The following EXOC8 variants were observed in gnomAD, a reference collection of about 807,000 sequenced individuals.
The protein encoded by EXOC8 is exocyst complex component 8.
A neutral mutation model predicts 50.8 loss-of-function variants in EXOC8; 19 were observed. That is an observed-to-expected ratio of 0.37 (90% CI 0.26 to 0.55). The LOEUF (loss-of-function observed/expected upper bound fraction) is 0.55. EXOC8 is among the 20% of genes least tolerant of loss of function. The probability of loss-of-function intolerance (pLI) is 0.80; values close to 1 mark genes in which losing one functional copy is unlikely to be tolerated. For missense variants in EXOC8, 781 were observed against 915.8 expected (o/e 0.85, Z 1.90); for synonymous variants, 384 against 367.9 (o/e 1.04, Z -0.50).
rs1201466272 is a variant in EXOC8 at position 231,334,304 on chromosome 1, T to C, written c.*1264A>G. The C allele has an allele frequency of 1.3e-5, 2 of 152,252 alleles. No individual in the cohort carries two copies. The highest frequency in any genetic ancestry group is 4.8e-5 in the African/African-American group (2 of 41,472). The allele number at this position is 152,252 out of a possible 1,614,324, so 9.4% of individuals were successfully genotyped here. A position where few individuals can be genotyped will look rare whatever the true frequency, so the allele number is the denominator to read the frequency against. ...ACCAAATCTCTGCTCAGAGTGGTCA[T>C]AGTGAGAACACTGAGATTTGCATAT... On this transcript the variant is annotated 3_prime_UTR_variant, in exon 1 of 1. Coordinates refer to ENST00000366645, the MANE Select transcript of EXOC8 (RefSeq NM_175876.5).
chr1:231,336,286 G>A lies in EXOC8; in HGVS notation c.1460C>T (p.Ser487Phe). 1 of 1,614,118 alleles carries A rather than the reference G, an allele frequency of 6.2e-7. No homozygotes were observed. Among genetic ancestry groups the A allele is most frequent in the Non-Finnish European group, 8.5e-7 (1 of 1,180,038 alleles). The change falls in exon 1 of 1, where the codon TCT becomes TTT. Residue 487 changes from serine to phenylalanine, a missense_variant. By Grantham distance (155) the Ser-to-Phe change is radical. This residue lies in a region of EXOC8 where 700 missense variants were observed against 804.1 expected (regional missense o/e 0.87). Coordinates refer to ENST00000366645, the MANE Select transcript of EXOC8 (RefSeq NM_175876.5). This position sits in a 1 kb window ranked among gnomAD's most constrained non-coding sequence, Gnocchi z 5.4. ...TGATCTTGCCCAGACCACAAAGGCA[G>A]AGTAGCAGCCGCTGTCAGTGCCTGC... ...DFAGTDSGCY[S>F]AFVVWARSAM...
Position 231,336,591 on chromosome 1 carries a change from C to T in EXOC8, c.1155G>A (p.Glu385=). ...GCACCTCAGTGAGCTGTCGAACTCG[C>T]TCCTCCACTTTGGCCCTTAGTTCTT... ...PVKELRAKVE[E]RVRQLTEVLV... is the part of the protein sequence containing the mutation. The change falls in exon 1 of 1, where the codon GAG becomes GAA. Residue 385 remains glutamate, a synonymous_variant. Transcript: ENST00000366645. The surrounding 1 kb of genome is among the most constrained non-coding windows in gnomAD (Gnocchi z 5.4). 6.2e-7 allele frequency: 1 copy of T among 1,614,158 alleles called. No homozygotes were observed. The highest frequency in any genetic ancestry group is 8.5e-7 in the Non-Finnish European group (1 of 1,180,042).
In EXOC8 at chr1:231,335,876, T is replaced by C; in HGVS notation, c.1870A>G (p.Thr624Ala). The C allele has an allele frequency of 6.2e-7, 1 of 1,614,128 alleles. No individual in the cohort carries two copies. Among genetic ancestry groups the C allele is most frequent in the Non-Finnish European group, 8.5e-7 (1 of 1,180,028 alleles). The change falls in exon 1 of 1, where the codon ACC becomes GCC. Residue 624 changes from threonine to alanine, a missense_variant. Physicochemically the swap from Thr to Ala is moderately conservative, Grantham distance 58. Around this residue, in one of 3 missense-constraint regions of EXOC8, gnomAD observed 700 missense variants for 804.1 expected, o/e 0.87. Transcript: ENST00000366645. ...AGGGCCTCTTCCAAGAAGCCCATGG[T>C]CTGTTTGGTGAAAGCAACCACTGTG... ...SYTVVAFTKQ[T>A]MGFLEEALKL... is the part of the protein sequence containing the mutation.
Position 231,337,564 on chromosome 1 carries a change from C to A in EXOC8, c.182G>T (p.Arg61Leu). ...LAEETAQNLK[R>L]NVYQNYRQFI... is the part of the protein sequence containing the mutation. ...CTGCCGGTAGTTCTGGTAGACGTTG[C>A]GCTTCAGGTTCTGCGCCGTCTCCTC... The change falls in exon 1 of 1, where the codon CGC (arginine) becomes CTC (leucine). Residue 61 changes from arginine (R) to leucine (L), a missense_variant. Around this residue, in one of 3 missense-constraint regions of EXOC8, gnomAD observed 700 missense variants for 804.1 expected, o/e 0.87. Coordinates refer to ENST00000366645, the MANE Select transcript of EXOC8 (RefSeq NM_175876.5). This position sits in a 1 kb window ranked among gnomAD's most constrained non-coding sequence, Gnocchi z 5.9. The A allele has an allele frequency of 6.2e-7, 1 of 1,613,016 alleles. No individual in the cohort carries two copies. Among genetic ancestry groups the A allele is most frequent in the South Asian group, 1.1e-5 (1 of 91,070 alleles).
rs759340502 is a variant in EXOC8 at position 231,337,641 on chromosome 1, C to T, written c.105G>A (p.Ser35=). ...RLYVKQLSQQ[S]DGDRDLQEHR... is the part of the protein sequence containing the mutation. ...GCTCCTGGAGGTCCCGGTCCCCATC[C>T]GACTGCTGCGAGAGCTGCTTCACGT... is the stretch of plus-strand genomic sequence containing the variant. Residue 35 remains serine (S), a synonymous_variant, in exon 1 of 1, where the codon TCG becomes TCA. Coordinates refer to ENST00000366645, the MANE Select transcript of EXOC8 (RefSeq NM_175876.5). The surrounding 1 kb of genome is among the most constrained non-coding windows in gnomAD (Gnocchi z 5.9). 28 of 1,610,474 alleles carry T rather than the reference C, an allele frequency of 1.7e-5. No homozygotes were observed. The East Asian group carries it at 2.2e-4, about 13-fold the overall frequency.
rs1032401565 is a variant in EXOC8, at chr1:231,335,567, A to G, written c.*1T>C. The G allele has an allele frequency of 6.2e-7, 1 of 1,601,862 alleles. No individual in the cohort carries two copies. Among genetic ancestry groups the G allele is most frequent in the African/African-American group, 1.3e-5 (1 of 74,460 alleles). ...TATACACATATAAACAGACCCAAGCATTAGACCACTGATGTTGTACTTTCA... is the reference window on the plus strand; with the variant it reads ...TATACACATATAAACAGACCCAAGCGTTAGACCACTGATGTTGTACTTTCA... On this transcript the variant is annotated 3_prime_UTR_variant, in exon 1 of 1. Transcript: ENST00000366645.
chr1:231,333,102 A>G lies in EXOC8; in HGVS notation c.*2466T>C, dbSNP rs1191610426. On this transcript the variant is annotated 3_prime_UTR_variant, in exon 1 of 1. Coordinates refer to ENST00000366645, the MANE Select transcript of EXOC8 (RefSeq NM_175876.5). The stretch of plus-strand genomic sequence containing the variant: ...GTTTTATATTCTTGAAGCAAACAAG[A>G]AAAGGCAATCAATGCTTAAGTGGTA... 1 of 152,236 alleles carries G rather than the reference A, an allele frequency of 6.6e-6. No homozygotes were observed. Among genetic ancestry groups the G allele is most frequent in the East Asian group, 1.9e-4 (1 of 5,202 alleles). 9.4% of individuals were successfully genotyped at this position (152,236 alleles called of 1,614,324 possible).
Position 231,333,958 on chromosome 1 carries a change from T to C in EXOC8, c.*1610A>G, listed in dbSNP as rs1686613934. On this transcript the variant is annotated 3_prime_UTR_variant, in exon 1 of 1. Coordinates refer to ENST00000366645, the MANE Select transcript of EXOC8 (RefSeq NM_175876.5). ...TCATGGGCATCAAATTTGGTGCTTATGGACAAGAATCACAACTAGAAGCTA... is the reference window on the plus strand; with the variant it reads ...TCATGGGCATCAAATTTGGTGCTTACGGACAAGAATCACAACTAGAAGCTA... The C allele has an allele frequency of 6.6e-6, 1 of 152,202 alleles. No individual in the cohort carries two copies. Among genetic ancestry groups the C allele is most frequent in the African/African-American group, 2.4e-5 (1 of 41,450 alleles). The allele number at this position is 152,202 out of a possible 1,614,324, so 9.4% of individuals were successfully genotyped here.
Position 231,337,315 on chromosome 1 carries a change from C to A in EXOC8, c.431G>T (p.Gly144Val). ...ACCGGAGCCGTCGCGGGAGGCACCC[C>A]CGGGGGTGGAGAAAAAGCCGGCCTG... ...RGQAGFFSTPGGASRDGSGPG... is the reference protein window; with the variant it reads ...RGQAGFFSTPVGASRDGSGPG... Residue 144 changes from glycine (G) to valine (V), a missense_variant, in exon 1 of 1, where the codon GGG becomes GTG. By Grantham distance (109) the Gly-to-Val change is moderately radical (BLOSUM62 -3). Around this residue, in one of 3 missense-constraint regions of EXOC8, gnomAD observed 700 missense variants for 804.1 expected, o/e 0.87. Coordinates refer to ENST00000366645, the MANE Select transcript of EXOC8 (RefSeq NM_175876.5). This position sits in a 1 kb window ranked among gnomAD's most constrained non-coding sequence, Gnocchi z 5.9. 6.2e-7 allele frequency: 1 copy of A among 1,603,328 alleles called. No individual in the cohort carries two copies. The highest frequency in any genetic ancestry group is 8.5e-7 in the Non-Finnish European group (1 of 1,179,950).
Position 231,337,830 on chromosome 1 carries a change from TCC to T in EXOC8, c.-87_-86del. On this transcript the variant is annotated 5_prime_UTR_variant, in exon 1 of 1. Transcript: ENST00000366645. The surrounding 1 kb of genome is among the most constrained non-coding windows in gnomAD (Gnocchi z 5.9). ...TAGACCCACCCAAGGCCAACCGAGC[TCC>T]TGGGCTGAGGAAGCAGGAATGGGAA... 1 of 1,490,604 alleles carries T rather than the reference TCC, an allele frequency of 6.7e-7. No individual in the cohort carries two copies. The highest frequency in any genetic ancestry group is 9.0e-7 in the Non-Finnish European group (1 of 1,114,362). The allele number at this position is 1,490,604 out of a possible 1,614,324, so 92.3% of individuals were successfully genotyped here.
Position 231,336,432 on chromosome 1 carries a change from A to G in EXOC8, c.1314T>C (p.Ala438=), listed in dbSNP as rs202104918. The change falls in exon 1 of 1, where the codon GCT becomes GCC. Residue 438 remains alanine, a synonymous_variant. Transcript: ENST00000366645. This position sits in a 1 kb window ranked among gnomAD's most constrained non-coding sequence, Gnocchi z 5.4. ...GAAGCTGACGAATTGCAGTATGAAC[A>G]GCGGCTGCCCTGTTTCTCAAAAATA... ...CELFLRNRAA[A]VHTAIRQLRI... is the part of the protein sequence containing the mutation. The G allele has an allele frequency of 2.9e-5, 47 of 1,614,046 alleles. No individual in the cohort carries two copies. Among genetic ancestry groups the G allele is most frequent in the Non-Finnish European group, 3.7e-5 (44 of 1,180,026 alleles).
Position 231,336,191 on chromosome 1 carries a change from C to T in EXOC8, c.1555G>A (p.Ala519Thr). ...FDSKESLSTAAECVKVAKEHC... is the reference protein window; with the variant it reads ...FDSKESLSTATECVKVAKEHC... The stretch of plus-strand genomic sequence containing the variant: ...TCCTTAGCCACTTTTACACACTCAG[C>T]TGCTGTAGAGAGGCTCTCCTTACTA... The change falls in exon 1 of 1, where the codon GCT becomes ACT. Residue 519 changes from alanine (A) to threonine (T), a missense_variant. Around this residue, in one of 3 missense-constraint regions of EXOC8, gnomAD observed 700 missense variants for 804.1 expected, o/e 0.87. Coordinates refer to ENST00000366645, the MANE Select transcript of EXOC8 (RefSeq NM_175876.5). The surrounding 1 kb of genome is among the most constrained non-coding windows in gnomAD (Gnocchi z 5.4). 1 of 1,614,142 alleles carries T rather than the reference C, an allele frequency of 6.2e-7. No homozygotes were observed. The highest frequency in any genetic ancestry group is 8.5e-7 in the Non-Finnish European group (1 of 1,180,028).
chr1:231,337,554 G>A lies in EXOC8; in HGVS notation c.192C>T (p.Tyr64=). 2 of 1,613,200 alleles carry A rather than the reference G, an allele frequency of 1.2e-6. No individual in the cohort carries two copies. The highest frequency in any genetic ancestry group is 2.2e-5 in the East Asian group (1 of 44,876). Residue 64 remains tyrosine (Y), a synonymous_variant, in exon 1 of 1, where the codon TAC becomes TAT. Coordinates refer to ENST00000366645, the MANE Select transcript of EXOC8 (RefSeq NM_175876.5). The surrounding 1 kb of genome is among the most constrained non-coding windows in gnomAD (Gnocchi z 5.9). ...ETAQNLKRNV[Y]QNYRQFIETA... Reference sequence around the variant, plus strand: ...TCTCTATGAACTGCCGGTAGTTCTGGTAGACGTTGCGCTTCAGGTTCTGCG... The same window carrying A: ...TCTCTATGAACTGCCGGTAGTTCTGATAGACGTTGCGCTTCAGGTTCTGCG...
At position 231,337,831 on chromosome 1, in the gene EXOC8, C is replaced by G; in HGVS notation, c.-86G>C. ...AGACCCACCCAAGGCCAACCGAGCT[C>G]CTGGGCTGAGGAAGCAGGAATGGGA... On this transcript the variant is annotated 5_prime_UTR_variant, in exon 1 of 1. Coordinates refer to ENST00000366645, the MANE Select transcript of EXOC8 (RefSeq NM_175876.5). This position sits in a 1 kb window ranked among gnomAD's most constrained non-coding sequence, Gnocchi z 5.9. 1 of 1,491,910 alleles carries G rather than the reference C, an allele frequency of 6.7e-7. No homozygotes were observed. Among genetic ancestry groups the G allele is most frequent in the Non-Finnish European group, 9.0e-7 (1 of 1,115,636 alleles). The allele number at this position is 1,491,910 out of a possible 1,614,324, so 92.4% of individuals were successfully genotyped here. A position where few individuals can be genotyped will look rare whatever the true frequency, so the allele number is the denominator to read the frequency against.
Position 231,333,231 on chromosome 1 carries a change from G to C in EXOC8, c.*2337C>G, listed in dbSNP as rs1014435339. ...AGAAGAATTAGAGAAGAAAGCCCATGCCACTTTGAGGAATGTAACATAATT... is the reference window on the plus strand; with the variant it reads ...AGAAGAATTAGAGAAGAAAGCCCATCCCACTTTGAGGAATGTAACATAATT... On this transcript the variant is annotated 3_prime_UTR_variant, in exon 1 of 1. Transcript: ENST00000366645. 6.6e-6 allele frequency: 1 copy of C among 152,224 alleles called. No homozygotes were observed. Among genetic ancestry groups the C allele is most frequent in the African/African-American group, 2.4e-5 (1 of 41,464 alleles). 9.4% of individuals were successfully genotyped at this position (152,224 alleles called of 1,614,324 possible).
rs748296740 is a variant in EXOC8, at chr1:231,336,249, C to T, written c.1497G>A (p.Met499Ile). Residue 499 changes from methionine (M) to isoleucine (I), a missense_variant, in exon 1 of 1, where the codon ATG becomes ATA. Transcript: ENST00000366645. This position sits in a 1 kb window ranked among gnomAD's most constrained non-coding sequence, Gnocchi z 5.4. Reference protein sequence around the residue: ...FVVWARSAMGMFVDAFSKQVF... With the variant: ...FVVWARSAMGIFVDAFSKQVF... ...CCTGCTTGCTAAAAGCATCCACGAA[C>T]ATGCCCATGGCTGATCTTGCCCAGA... is the stretch of plus-strand genomic sequence containing the variant. 3 of 1,614,120 alleles carry T rather than the reference C, an allele frequency of 1.9e-6. No individual in the cohort carries two copies. The highest frequency in any genetic ancestry group is 2.5e-6 in the Non-Finnish European group (3 of 1,180,042).
At position 231,337,161 on chromosome 1, in the gene EXOC8, G is replaced by A; in HGVS notation, c.585C>T (p.Asp195=). 6.2e-7 allele frequency: 1 copy of A among 1,614,122 alleles called. No homozygotes were observed. The highest frequency in any genetic ancestry group is 1.1e-5 in the South Asian group (1 of 91,086). Residue 195 remains aspartate (D), a synonymous_variant, in exon 1 of 1, where the codon GAC becomes GAT. Transcript: ENST00000366645. This position sits in a 1 kb window ranked among gnomAD's most constrained non-coding sequence, Gnocchi z 5.9. The stretch of plus-strand genomic sequence containing the variant: ...GCACCCGCTGCAGTTGGGCCATGTG[G>A]TCCGCATCGTATTCCACTAGGTCCC... ...YNGDLVEYDA[D]HMAQLQRVHG...
Position 231,337,508 on chromosome 1 carries a change from G to C in EXOC8, c.238C>G (p.Leu80Val). ...CTGAGCTGGTACATCTCGCTCTCCA[G>C]GTAGGAGATCTCGCGGGCCGTCTCT... is the stretch of plus-strand genomic sequence containing the variant. ...FIETAREISY[L>V]ESEMYQLSHL... The change falls in exon 1 of 1, where the codon CTG becomes GTG. Residue 80 changes from leucine (L) to valine (V), a missense_variant. This residue lies in a region of EXOC8 where 700 missense variants were observed against 804.1 expected (regional missense o/e 0.87). Transcript: ENST00000366645. The surrounding 1 kb of genome is among the most constrained non-coding windows in gnomAD (Gnocchi z 5.9). The C allele has an allele frequency of 6.2e-7, 1 of 1,613,620 alleles. No homozygotes were observed.
rs891479114 is a variant in EXOC8, at chr1:231,332,817, C to A, written c.*2751G>T. On this transcript the variant is annotated 3_prime_UTR_variant, in exon 1 of 1. Transcript: ENST00000366645. The stretch of plus-strand genomic sequence containing the variant: ...CATTTCAGATTCCCTCATATCACAG[C>A]ACATCAATAAGCAGTATGTACATAG... 1.3e-5 allele frequency: 2 copies of A among 152,156 alleles called. No homozygotes were observed. The highest frequency in any genetic ancestry group is 2.9e-5 in the Non-Finnish European group (2 of 68,028). 9.4% of individuals were successfully genotyped at this position (152,156 alleles called of 1,614,324 possible).
Sources: gnomAD v4.1 joint callset for allele counts on GRCh38, gnomAD v4.1.1 for gene constraint, gnomAD v4.1.1 regional missense constraint, Gnocchi (gnomAD v3.1) non-coding constraint, MANE v1.5 for transcripts, NCBI Gene and HGNC (gene_info 2026-07-23, HGNC 2026-07-21) for gene names.